Variants in POLE2 observed in about 807,000 individuals in gnomAD.
POLE2 encodes DNA polymerase epsilon 2, accessory subunit.
A neutral mutation model predicts 79.4 loss-of-function variants in POLE2; 56 were observed. The ratio of observed to expected loss-of-function variants is 0.71; its 90% CI spans 0.57 to 0.88. The LOEUF (loss-of-function observed/expected upper bound fraction) is 0.88. Ranked by LOEUF, POLE2 falls within the 40% of genes least tolerant of loss-of-function variation. POLE2 has a pLI of 0.00. For missense variants in POLE2, 598 were observed against 638.9 expected (o/e 0.94, Z 0.69); for synonymous variants, 212 against 214.0 (o/e 0.99, Z 0.08).
At chr14:49,667,113 G>A (rs901873913) in intron 6 of POLE2, among the ~76,000 whole-genome samples, 3 of 151,924 alleles carry the variant, frequency 2.0e-5, no homozygotes, top group South Asian at 2.1e-4. Flanking sequence ...GTGTGAACCC[G>A]GGAGGCGGAG....
In POLE2 at chr14:49,665,156, A is replaced by C. The variant is rs1885388942; in HGVS notation, c.584T>G (p.Phe195Cys). ...GMITQLKEGK[F>C]FLEDPTGTVQ... ...TGTTCCAGTAGGATCTTCCAGAAAA[A>C]ATTTTCCCTAAAAAAATGAAAATAA... The change falls in exon 8 of 19, where the codon TTT becomes TGT. Residue 195 changes from phenylalanine to cysteine, a missense_variant. Coordinates refer to ENST00000216367, the MANE Select transcript of POLE2 (RefSeq NM_002692.4). The C allele has an allele frequency of 1.5e-6, 2 of 1,350,822 alleles. No homozygotes were observed. Among genetic ancestry groups the C allele is most frequent in the East Asian group, 4.6e-5 (2 of 43,732 alleles). The allele number at this position is 1,350,822 out of a possible 1,614,324, so 83.7% of individuals were successfully genotyped here.
chr14:49,666,494 G>A, intron 6 of POLE2, 81 bp from the exon 7 acceptor site: 1 of 537,854 alleles, frequency 1.9e-6, no homozygotes, highest in Non-Finnish European at 3.2e-6. Flanking sequence ...AACTATATTT[G>A]GGGTATACAT....
intron 10 of POLE2, among the ~76,000 whole-genome samples, chr14:49,659,511 AAG>A (rs895457609): frequency 5.5e-4 from 84 of 152,304 alleles, no homozygotes; most frequent in African/African-American, 1.9e-3. Flanking sequence ...TTATTACAAA[AAG>A]AGTCAAAAAT....
intron 5 of POLE2, among the ~76,000 whole-genome samples, chr14:49,670,245 G>T (rs2139662029): frequency 6.8e-6 from 1 of 146,948 alleles, no homozygotes; most frequent in South Asian, 2.1e-4. Flanking sequence ...GAATCCAGGA[G>T]GCAGAGGTTG....
In POLE2 at chr14:49,674,402, C is replaced by T. The variant is rs554448539; in HGVS notation, c.271G>A (p.Ala91Thr). Residue 91 changes from alanine to threonine, a missense_variant, in exon 4 of 19, where the codon GCA becomes ACA. Physicochemically the swap from Ala to Thr is moderately conservative, Grantham distance 58 (BLOSUM62 0). Transcript: ENST00000216367. ...TACACAAAGCGTGGAATATCAAATG[C>T]TCCTATGATATTGAAAACGTGCTCT... ...TIEHVFNIIG[A>T]FDIPRFVYNS... The T allele has an allele frequency of 1.2e-6, 2 of 1,610,056 alleles. No individual in the cohort carries two copies. The highest frequency in any genetic ancestry group is 1.1e-5 in the South Asian group (1 of 90,900).
intron 1 of POLE2, among the ~76,000 whole-genome samples, chr14:49,687,300 C>CACA (rs1491570833): frequency 1.4e-5 from 2 of 139,744 alleles, no homozygotes; most frequent in Admixed American, 7.4e-5. Flanking sequence ...TACACACACA[C>CACA]CACACACACA....
chr14:49,661,739 G>C (rs1555331638), intron 10 of POLE2, among the ~76,000 whole-genome samples: 1 of 152,010 alleles, frequency 6.6e-6, no homozygotes, highest in Non-Finnish European at 1.5e-5. Context: ...TTAGCCCCCT[G>C]AATTTTATAT....
chr14:49,686,675 C>A (rs868229978), intron 1 of POLE2, among the ~76,000 whole-genome samples: 10 of 152,152 alleles, frequency 6.6e-5, no homozygotes, highest in African/African-American at 2.4e-4. Flanking sequence ...CTCTATTGCA[C>A]CCCCTTACCC....
intron 5 of POLE2, 31 bp downstream of exon 5, chr14:49,674,092 T>C (rs932037546): frequency 8.4e-7 from 1 of 1,184,250 alleles, no homozygotes; most frequent in Non-Finnish European, 1.3e-6. Context: ...TTTTACCCAG[T>C]ATCCTCCCCT....
chr14:49,675,513 C>G (rs1036643360), intron 3 of POLE2, among the ~76,000 whole-genome samples: 13 of 152,054 alleles, frequency 8.5e-5, no homozygotes, highest in African/African-American at 3.1e-4. Flanking sequence ...CTCACTGCAA[C>G]CTCTTCCTCC....
At chr14:49,677,773 G>A (rs1886392041) in intron 3 of POLE2, 6 of 969,390 alleles carry the variant, frequency 6.2e-6, no homozygotes, top group Non-Finnish European at 7.3e-6. Flanking sequence ...CAGGAGTGTG[G>A]CAGCTCCTGG....
Position 49,655,796 on chromosome 14 carries a change from G to T in POLE2, c.803C>A (p.Ser268Tyr). The T allele has an allele frequency of 6.3e-7, 1 of 1,593,522 alleles. No homozygotes were observed. Among genetic ancestry groups the T allele is most frequent in the African/African-American group, 1.3e-5 (1 of 74,358 alleles). Residue 268 changes from serine to tyrosine, a missense_variant, in exon 11 of 19, where the codon TCT (serine) becomes TAT (tyrosine). Physicochemically the swap from Ser to Tyr is moderately radical, Grantham distance 144 (BLOSUM62 -2). Transcript: ENST00000216367. Reference sequence around the variant, plus strand: ...TTTTAGTTTTGCAGAAGTCTTCACAGATGTATTAGAAGGACCTCCAAAAAA... The same window carrying T: ...TTTTAGTTTTGCAGAAGTCTTCACATATGTATTAGAAGGACCTCCAAAAAA... Reference protein sequence around the residue: ...INFFGGPSNTSVKTSAKLKQL... With the variant: ...INFFGGPSNTYVKTSAKLKQL...
At chr14:49,660,801 G>T (rs1324744757) in intron 10 of POLE2, among the ~76,000 whole-genome samples, 1 of 152,186 alleles carries the variant, frequency 6.6e-6, no homozygotes, top group Non-Finnish European at 1.5e-5. Context: ...TAAGGCAGGA[G>T]AATCACTTGA....
intron 9 of POLE2, 129 bp from the exon 10 acceptor site, chr14:49,663,516 C>G: frequency 2.2e-6 from 1 of 461,952 alleles, no homozygotes; most frequent in Non-Finnish European, 3.9e-6. Context: ...GGTTGCCAAC[C>G]TCAATGAACC....
At chr14:49,645,905 A>G (rs1176119785) in intron 18 of POLE2, among the ~76,000 whole-genome samples, 4 of 152,210 alleles carry the variant, frequency 2.6e-5, no homozygotes, top group Non-Finnish European at 5.9e-5. Context: ...GTGCTGGATT[A>G]CAGGTGTGAG....
chr14:49,684,878 G>T (rs1887015008), intron 1 of POLE2, among the ~76,000 whole-genome samples: 1 of 152,066 alleles, frequency 6.6e-6, no homozygotes, highest in Admixed American at 6.6e-5. Flanking sequence ...TTGGGAGGCT[G>T]AGGAGGGAGA....
intron 2 of POLE2, among the ~76,000 whole-genome samples, chr14:49,681,638 G>A (rs1886711420): frequency 6.6e-6 from 1 of 152,098 alleles, no homozygotes; most frequent in African/African-American, 2.4e-5. Context: ...GCCTGGTGTG[G>A]TGGCACGCAC....
chr14:49,654,864 T>TA, intron 12 of POLE2, 26 bp from the exon 13 acceptor site: 3 of 1,480,878 alleles, frequency 2.0e-6, no homozygotes, highest in Non-Finnish European at 2.7e-6. Context: ...GGTATTGAAT[T>TA]AAATTTGCAT....
In POLE2 at chr14:49,652,426, G is replaced by A. The variant is rs192163121; in HGVS notation, c.1212-1049C>T. On this transcript the variant is annotated intron_variant, in intron 15 of 18. Transcript: ENST00000216367. ...CTCCTCAACCTCCAGGCCATGGACT[G>A]GTACCAGTCCATGGTCTGTTAGGAA... Among the ~76,000 whole-genome samples, 630 of 152,108 alleles carry A rather than the reference G, an allele frequency of 4.1e-3. 4 individuals are homozygous for A. The highest frequency in any genetic ancestry group is 0.014 in the African/African-American group (601 of 41,506).
Sources: allele counts gnomAD v4.1 joint callset (sites outside exome capture counted in the v4.1 genomes callset), GRCh38; gene constraint gnomAD v4.1.1; transcripts MANE v1.5; gene names NCBI Gene and HGNC (gene_info 2026-07-23, HGNC 2026-07-21).